Variants in FAM107B observed in about 807,000 individuals in gnomAD.
The protein encoded by FAM107B is family with sequence similarity 107 member B.
FAM107B carries 21 observed loss-of-function variants against 31.5 expected under a neutral mutation model. The observed-to-expected ratio is 0.67, with a 90% CI of 0.47 to 0.96. The LOEUF (loss-of-function observed/expected upper bound fraction) is 0.96, where lower values mean the gene tolerates loss of function less well. FAM107B is among the 40% of genes least tolerant of loss of function. The probability of loss-of-function intolerance (pLI) is 0.00; values close to 1 mark genes in which losing one functional copy is unlikely to be tolerated. For synonymous variants in FAM107B, 157 were observed against 141.5 expected, an observed-to-expected ratio of 1.11 and a Z score of -0.78; for missense variants, 452 against 377.1, an observed-to-expected ratio of 1.20 and a Z score of -1.64.
At position 14,530,612 on chromosome 10, in the gene FAM107B, C is replaced by G. The variant is rs1588487490; in HGVS notation, c.470-97G>C. The G allele has an allele frequency of 5.3e-6, 6 of 1,135,018 alleles. No individual in the cohort carries two copies. The East Asian group carries it at 1.4e-4, about 27-fold the overall frequency. The allele number at this position is 1,135,018 out of a possible 1,614,324, so 70.3% of individuals were successfully genotyped here. A position where few individuals can be genotyped will look rare whatever the true frequency, so the allele number is the denominator to read the frequency against. On this transcript the variant is annotated intron_variant, in intron 2 of 4. Transcript: ENST00000181796. ...CAGAGCTGTGCTCAGTATGCTAACA[C>G]ATGCCATCCTCCTGAGTCCACTCTG... is the stretch of plus-strand genomic sequence containing the variant.
chr10:14,710,061 A>G (rs1056406846), intron 1 of FAM107B, among the ~76,000 whole-genome samples: 14 of 152,152 alleles, frequency 9.2e-5, no homozygotes, highest in Non-Finnish European at 2.1e-4. Context: ...AGTGACCCCA[A>G]TGTAAACAAT....
chr10:14,732,868 ATAT>A (rs1326484276), intron 1 of FAM107B, among the ~76,000 whole-genome samples: 1 of 146,738 alleles, frequency 6.8e-6, no homozygotes, highest in Non-Finnish European at 1.5e-5. Context: ...TATTATATTA[ATAT>A]TATATAATAC....
intron 1 of FAM107B, among the ~76,000 whole-genome samples, chr10:14,709,918 G>C (rs1338267905): frequency 3.3e-5 from 5 of 152,254 alleles, no homozygotes; most frequent in Middle Eastern, 3.4e-3. Context: ...GGGATATAGG[G>C]GGGAGGAGAG....
Position 14,548,142 on chromosome 10 carries a change from G to A in FAM107B, c.470-17627C>T, listed in dbSNP as rs1246676461. ...CAGCGCTCGCTGGTTGAGTTAACCT[G>A]GTTGGCTGAACCAGTTACTATGTCT... On this transcript the variant is annotated intron_variant, in intron 2 of 4. Transcript: ENST00000181796. Among the ~76,000 whole-genome samples the A allele has an allele frequency of 6.6e-5, 10 of 152,342 alleles. No individual in the cohort carries two copies. In the South Asian group the frequency reaches 1.9e-3, roughly 28 times the overall value.
chr10:14,603,329 G>C (rs554706580), intron 2 of FAM107B, among the ~76,000 whole-genome samples: 14 of 152,198 alleles, frequency 9.2e-5, no homozygotes, highest in South Asian at 4.1e-4. Context: ...GCAAGAAATC[G>C]CAAGTTTAAG....
At chr10:14,522,414 A>AT (rs57308938) in intron 3 of FAM107B, among the ~76,000 whole-genome samples, 17,961 of 141,378 alleles carry the variant, frequency 0.13, 1,185 homozygotes, top group Non-Finnish European at 0.16. Context: ...CTAGCCCCTG[A>AT]TTTTTTTTTT....
intron 1 of FAM107B, among the ~76,000 whole-genome samples, chr10:14,730,391 CT>C (rs1349001990): frequency 1.3e-5 from 2 of 152,070 alleles, no homozygotes; most frequent in Non-Finnish European, 1.5e-5. Context: ...TATTCTTGAG[CT>C]GGGATTTAAA....
At chr10:14,532,656 G>C (rs764580682) in intron 2 of FAM107B, 13 of 152,148 alleles carry the variant, frequency 8.5e-5, no homozygotes, top group African/African-American at 1.2e-4. Context: ...ATGGAAAAAC[G>C]TGCTCCTCGG....
intron 1 of FAM107B, among the ~76,000 whole-genome samples, chr10:14,683,014 G>T (rs1022104376): frequency 2.0e-5 from 3 of 152,206 alleles, no homozygotes; most frequent in Admixed American, 1.3e-4. Flanking sequence ...CAGAGAAACT[G>T]CCATATAGAC....
chr10:14,705,057 T>G (rs1855489752), intron 1 of FAM107B, among the ~76,000 whole-genome samples: 1 of 145,442 alleles, frequency 6.9e-6, no homozygotes, highest in African/African-American at 2.5e-5. Flanking sequence ...ACAAAGGACT[T>G]GAATAAACAT....
intron 1 of FAM107B, among the ~76,000 whole-genome samples, chr10:14,689,222 A>G (rs910003658): frequency 3.3e-5 from 5 of 151,958 alleles, no homozygotes; most frequent in Non-Finnish European, 7.4e-5. Context: ...TCTAAAAAAA[A>G]TACAAAAATT....
chr10:14,708,529 G>A (rs1355068724), intron 1 of FAM107B, among the ~76,000 whole-genome samples: 1 of 152,222 alleles, frequency 6.6e-6, no homozygotes, highest in South Asian at 2.1e-4. Context: ...GAAACGCCTT[G>A]AGACCAGTGG....
chr10:14,574,192 G>T (rs1250520672), intron 2 of FAM107B, among the ~76,000 whole-genome samples: 3 of 152,160 alleles, frequency 2.0e-5, no homozygotes, highest in Non-Finnish European at 2.9e-5. Flanking sequence ...TAGATAACAA[G>T]GTGATATTCC....
chr10:14,598,314 C>G (rs1336634796), intron 2 of FAM107B, among the ~76,000 whole-genome samples: 2 of 152,136 alleles, frequency 1.3e-5, no homozygotes, highest in African/African-American at 4.8e-5. Context: ...GCTTAACCAT[C>G]AAGGACAGAT....
chr10:14,630,303 T>C (rs1346092634), intron 2 of FAM107B, among the ~76,000 whole-genome samples: 4 of 124,368 alleles, frequency 3.2e-5, no homozygotes, highest in Admixed American at 8.0e-5. Flanking sequence ...AAAATGGAAA[T>C]AGAACTGCAG....
chr10:14,691,185 GC>G lies in FAM107B; in HGVS notation c.412-23495del, dbSNP rs368009922. On this transcript the variant is annotated intron_variant, in intron 1 of 4. Transcript: ENST00000181796. ...CAAAGTGCTGGGATTACAGGCATGA[GC>G]CCCCGTACCCAGCCCTAAACTATGC... is the stretch of plus-strand genomic sequence containing the variant. Among the ~76,000 whole-genome samples the G allele has an allele frequency of 3.1e-3, 472 of 152,232 alleles. 7 individuals are homozygous for G. The highest frequency in any genetic ancestry group is 9.9e-3 in the African/African-American group (412 of 41,546).
intron 2 of FAM107B, among the ~76,000 whole-genome samples, chr10:14,566,933 C>A (rs1215786928): frequency 6.6e-6 from 1 of 152,136 alleles, no homozygotes; most frequent in Non-Finnish European, 1.5e-5. Flanking sequence ...GGGCAAAACA[C>A]AAGGTCAGGA....
chr10:14,735,590 C>T lies in FAM107B; in HGVS notation c.411+38663G>A, dbSNP rs143777445. On this transcript the variant is annotated intron_variant, in intron 1 of 4. Coordinates refer to ENST00000181796, the MANE Select transcript of FAM107B (RefSeq NM_031453.4). Reference sequence around the variant, plus strand: ...AACATTTAGGACAAAAGATAGCGTGCTTTAGAATGACTCTAGGAAAAATTC... The same window carrying T: ...AACATTTAGGACAAAAGATAGCGTGTTTTAGAATGACTCTAGGAAAAATTC... 1.2e-4 allele frequency among the ~76,000 whole-genome samples: 18 copies of T among 152,278 alleles called. No individual in the cohort carries two copies. The East Asian group carries it at 3.1e-3, about 26-fold the overall frequency.
chr10:14,675,881 G>A (rs4748104), intron 1 of FAM107B, among the ~76,000 whole-genome samples: 79,875 of 152,000 alleles, frequency 0.53, 22,369 homozygotes, highest in East Asian at 0.75. Flanking sequence ...CCAGCAGCCC[G>A]GTGCAGTGAA....
Sources: gnomAD v4.1 joint callset for allele counts (sites outside exome capture counted in the v4.1 genomes callset) on GRCh38, gnomAD v4.1.1 for gene constraint, MANE v1.5 for transcripts, NCBI Gene and HGNC (gene_info 2026-07-23, HGNC 2026-07-21) for gene names.